The following PLCL2 variants were observed in gnomAD, a reference collection of about 807,000 sequenced individuals.
PLCL2 encodes phospholipase C like 2.
PLCL2 carries 4 observed loss-of-function variants against 79.6 expected under a neutral mutation model. The observed-to-expected ratio is 0.05, with a 90% confidence interval of 0.02 to 0.11. PLCL2 has a LOEUF of 0.11. PLCL2 is among the 10% of genes least tolerant of loss of function. The pLI, the probability that PLCL2 is intolerant of heterozygous loss-of-function variation, is 1.00. For synonymous variants in PLCL2, 484 were observed against 457.7 expected (o/e 1.06, Z -0.73); for missense variants, 895 against 1,291.0 (o/e 0.69, Z 4.70).
chr3:17,074,295 T>C (rs1236400709), intron 5 of PLCL2, among the ~76,000 whole-genome samples: 1 of 152,226 alleles, frequency 6.6e-6, no homozygotes, highest in African/African-American at 2.4e-5. Context: ...TGCAGTAATA[T>C]TGTGAAAGGA....
chr3:17,056,236 A>T (rs987379849), intron 4 of PLCL2, among the ~76,000 whole-genome samples: 1 of 152,222 alleles, frequency 6.6e-6, no homozygotes, highest in African/African-American at 2.4e-5. Context: ...TTTCTTATTA[A>T]AGCTGAGAAG....
intron 1 of PLCL2, among the ~76,000 whole-genome samples, chr3:16,968,004 A>G (rs1172325995): frequency 6.6e-6 from 1 of 152,070 alleles, no homozygotes; most frequent in East Asian, 1.9e-4. Context: ...TCCCAGAACC[A>G]CTTATTGAAT....
At chr3:16,959,563 C>A (rs2063736479) in intron 1 of PLCL2, among the ~76,000 whole-genome samples, 1 of 152,054 alleles carries the variant, frequency 6.6e-6, no homozygotes, top group South Asian at 2.1e-4. Context: ...GCGTGCATCA[C>A]CTTCCCTCAG....
intron 3 of PLCL2, among the ~76,000 whole-genome samples, chr3:17,022,363 T>C (rs1425912164): frequency 6.6e-6 from 1 of 152,174 alleles, no homozygotes; most frequent in Non-Finnish European, 1.5e-5. Flanking sequence ...ATATTGGATT[T>C]TGCTCCTGTA....
At chr3:16,925,967 G>A (rs996255989) in intron 1 of PLCL2, among the ~76,000 whole-genome samples, 1 of 152,132 alleles carries the variant, frequency 6.6e-6, no homozygotes, top group Admixed American at 6.5e-5. Flanking sequence ...TTCTAAAGCA[G>A]CCCAATTTGC....
chr3:17,010,492 T>C lies in PLCL2; in HGVS notation c.1146T>C (p.Leu382=), dbSNP rs759502431. The C allele has an allele frequency of 1.2e-6, 2 of 1,614,086 alleles. No homozygotes were observed. The highest frequency in any genetic ancestry group is 1.7e-6 in the Non-Finnish European group (2 of 1,179,978). Residue 382 remains leucine (L), a synonymous_variant, in exon 2 of 6, where the codon CTT becomes CTC. Transcript: ENST00000615277. The surrounding 1 kb of genome is among the most constrained non-coding windows in gnomAD (Gnocchi z 5.8). ...GVAHINEEIS[L]EIIHKYEPSK... Reference sequence around the variant, plus strand: ...CACATATAAATGAGGAAATAAGCCTTGAAATTATTCACAAATATGAACCAT... The same window carrying C: ...CACATATAAATGAGGAAATAAGCCTCGAAATTATTCACAAATATGAACCAT...
chr3:17,044,983 C>T (rs985564646), intron 4 of PLCL2, among the ~76,000 whole-genome samples: 2 of 152,140 alleles, frequency 1.3e-5, no homozygotes, highest in Non-Finnish European at 2.9e-5. Context: ...TCTTTAGAAG[C>T]GTGTAAAGAT....
At chr3:17,081,081 A>C in intron 5 of PLCL2, 1 of 432,698 alleles carries the variant, frequency 2.3e-6, no homozygotes, top group South Asian at 1.7e-5. Flanking sequence ...CCTTTTTATG[A>C]AACGAGAATG....
chr3:16,969,655 G>T (rs1295528949), intron 1 of PLCL2, among the ~76,000 whole-genome samples: 1 of 151,936 alleles, frequency 6.6e-6, no homozygotes, highest in Non-Finnish European at 1.5e-5. Context: ...AGTCTAGCTA[G>T]CAGTCTATCC....
At chr3:16,899,782 T>C (rs1696576583) in intron 1 of PLCL2, among the ~76,000 whole-genome samples, 1 of 152,050 alleles carries the variant, frequency 6.6e-6, no homozygotes, top group Non-Finnish European at 1.5e-5. Flanking sequence ...GTGAGAAAGA[T>C]CTGTGCTGTT....
intron 1 of PLCL2, among the ~76,000 whole-genome samples, chr3:16,893,487 A>C (rs1696398730): frequency 6.6e-6 from 1 of 152,196 alleles, no homozygotes; most frequent in South Asian, 2.1e-4. Context: ...GCAGATATTA[A>C]CATCCCAGAA....
intron 1 of PLCL2, among the ~76,000 whole-genome samples, chr3:16,913,152 T>C (rs1696920551): frequency 6.6e-6 from 1 of 152,134 alleles, no homozygotes; most frequent in South Asian, 2.1e-4. Flanking sequence ...TCAGTACTAC[T>C]CTAGCATCTT....
intron 3 of PLCL2, among the ~76,000 whole-genome samples, chr3:17,021,225 A>T (rs1367097568): frequency 2.6e-5 from 4 of 152,152 alleles, no homozygotes; most frequent in African/African-American, 4.8e-5. Flanking sequence ...CAGAGTGATG[A>T]TTTGAAACCC....
chr3:16,966,954 T>C (rs2063814029), intron 1 of PLCL2, among the ~76,000 whole-genome samples: 1 of 152,132 alleles, frequency 6.6e-6, no homozygotes, highest in Non-Finnish European at 1.5e-5. Context: ...CCCTGGTGCC[T>C]GTTCTTCCCT....
intron 3 of PLCL2, among the ~76,000 whole-genome samples, chr3:17,025,200 A>G (rs1308683639): frequency 6.6e-6 from 1 of 152,148 alleles, no homozygotes; most frequent in East Asian, 1.9e-4. Context: ...ATATAATTTT[A>G]TTGTTTAGAA....
intron 3 of PLCL2, among the ~76,000 whole-genome samples, chr3:17,025,888 CAT>C (rs573817309): frequency 5.6e-4 from 85 of 151,992 alleles, no homozygotes; most frequent in Non-Finnish European, 9.6e-4. Context: ...CTCATTTTCA[CAT>C]GAGTGGGAAG....
At chr3:16,885,483 T>C in intron 1 of PLCL2, 117 bp downstream of exon 1, 1 of 494,286 alleles carries the variant, frequency 2.0e-6, no homozygotes, top group East Asian at 3.5e-5. Context: ...CACTGGAGCA[T>C]GGGTGCTTGG....
chr3:16,989,503 T>G (rs2124994397), intron 1 of PLCL2, among the ~76,000 whole-genome samples: 1 of 152,310 alleles, frequency 6.6e-6, no homozygotes, highest in East Asian at 1.9e-4. Flanking sequence ...CCATAACTTT[T>G]ATATTGACTA....
chr3:16,933,912 C>T (rs1697472951), intron 1 of PLCL2, among the ~76,000 whole-genome samples: 1 of 152,008 alleles, frequency 6.6e-6, no homozygotes, highest in South Asian at 2.1e-4. Flanking sequence ...ACTAAAAATA[C>T]AGAAATTAGC....
Sources: allele counts gnomAD v4.1 joint callset (sites outside exome capture counted in the v4.1 genomes callset), GRCh38; gene constraint gnomAD v4.1.1; non-coding constraint Gnocchi (gnomAD v3.1); transcripts MANE v1.5; gene names NCBI Gene and HGNC (gene_info 2026-07-23, HGNC 2026-07-21).